The following GDPD1 variants were observed in gnomAD, a reference collection of about 807,000 sequenced individuals.
The protein encoded by GDPD1 is lysophospholipase D GDPD1.
A neutral mutation model predicts 45.1 loss-of-function variants in GDPD1; 28 were observed. The ratio of observed to expected loss-of-function variants is 0.62; its 90% confidence interval spans 0.46 to 0.85. The LOEUF is 0.85. Among genes scored for constraint, GDPD1 ranks in the 40% least tolerant of loss-of-function variants. GDPD1 has a pLI of 0.00. For missense variants in GDPD1, 256 were observed against 364.8 expected, an observed-to-expected ratio of 0.70 and a Z score of 2.43; for synonymous variants, 139 against 131.4, an observed-to-expected ratio of 1.06 and a Z score of -0.40.
rs149018765 is a variant in GDPD1, at chr17:59,257,129, G to A, written c.375G>A (p.Gln125=). The change falls in exon 5 of 10, where the codon CAG becomes CAA. Residue 125 remains glutamine, a synonymous_variant. Transcript: ENST00000284116. The part of the protein sequence containing the change: ...KLDVSFQRAC[Q]CEGKDNRIPL... ...AAAATCTTGCTTTCTCAGCATGCCA[G>A]TGTGAAGGAAAAGATAACCGAATTC... 2.9e-4 allele frequency: 462 copies of A among 1,569,534 alleles called. No homozygotes were observed. In the Middle Eastern group the frequency reaches 3.7e-3, roughly 13 times the overall value.
Position 59,220,609 on chromosome 17 carries a change from G to C in GDPD1, c.-1G>C, listed in dbSNP as rs773242936. On this transcript the variant is annotated 5_prime_UTR_variant, in exon 1 of 10. Transcript: ENST00000284116. ...GGGAGACTTCCCACACGGTGACTGA[G>C]ATGTCGTCCACTGCGGCTTTTTACC... is the stretch of plus-strand genomic sequence containing the variant. 1.2e-6 allele frequency: 2 copies of C among 1,613,574 alleles called. No homozygotes were observed. The highest frequency in any genetic ancestry group is 3.3e-5 in the Admixed American group (2 of 59,956).
chr17:59,265,459 C>T (rs1848711278), intron 6 of GDPD1, among the ~76,000 whole-genome samples: 1 of 151,764 alleles, frequency 6.6e-6, no homozygotes, highest in Non-Finnish European at 1.5e-5. Context: ...ATCACTTGAG[C>T]CTGGGAGATC....
intron 4 of GDPD1, among the ~76,000 whole-genome samples, chr17:59,253,997 G>A (rs931494200): frequency 2.7e-5 from 4 of 150,664 alleles, no homozygotes; most frequent in East Asian, 2.0e-4. Context: ...AAGGTGAGAG[G>A]ATCCCTTGAG....
At chr17:59,236,299 A>C (rs2047131533) in intron 2 of GDPD1, among the ~76,000 whole-genome samples, 1 of 152,168 alleles carries the variant, frequency 6.6e-6, no homozygotes, top group Non-Finnish European at 1.5e-5. Context: ...AATGGTTTTT[A>C]CTTGCTAAAT....
At chr17:59,228,826 G>A (rs1015392633) in intron 1 of GDPD1, among the ~76,000 whole-genome samples, 1 of 151,482 alleles carries the variant, frequency 6.6e-6, no homozygotes, top group African/African-American at 2.4e-5. Flanking sequence ...GCTGCAGTGA[G>A]CTCCGACCAT....
chr17:59,261,912 G>GTTTTTTTTTT (rs1568349072), intron 6 of GDPD1, among the ~76,000 whole-genome samples: 1 of 98,954 alleles, frequency 1.0e-5, no homozygotes, highest in African/African-American at 5.8e-5. Context: ...GAGATTACAG[G>GTTTTTTTTTT]CTTTTTTTTT....
At position 59,234,544 on chromosome 17, in the gene GDPD1, T is replaced by TA; in HGVS notation, c.185+16dup. ...TGGCAGCCTTTCAGCAGTAAGTATG[T>TA]AAAAAAGGTAAAAGGTACTCTTTTC... is the stretch of plus-strand genomic sequence containing the variant. On this transcript the variant is annotated intron_variant, in intron 2 of 9. Transcript: ENST00000284116. 6.3e-7 allele frequency: 1 copy of TA among 1,579,898 alleles called. No individual in the cohort carries two copies. The highest frequency in any genetic ancestry group is 8.7e-7 in the Non-Finnish European group (1 of 1,151,070).
intron 6 of GDPD1, among the ~76,000 whole-genome samples, chr17:59,265,817 G>A (rs1042300517): frequency 4.1e-5 from 6 of 147,628 alleles, no homozygotes; most frequent in Non-Finnish European, 7.4e-5. Context: ...TGAGGTGGGA[G>A]TATTGCCTGA....
intron 1 of GDPD1, among the ~76,000 whole-genome samples, chr17:59,223,234 G>A (rs2047019867): frequency 6.6e-6 from 1 of 152,020 alleles, no homozygotes; most frequent in African/African-American, 2.4e-5. Flanking sequence ...TGTAAATGCG[G>A]CATCAGTATT....
At chr17:59,256,170 T>A (rs1335962916) in intron 4 of GDPD1, among the ~76,000 whole-genome samples, 3 of 151,806 alleles carry the variant, frequency 2.0e-5, no homozygotes, top group African/African-American at 7.2e-5. Context: ...TACAAAAAAA[T>A]TAGCCGAGCG....
chr17:59,244,913 T>G (rs533467975), intron 2 of GDPD1, among the ~76,000 whole-genome samples: 1 of 152,030 alleles, frequency 6.6e-6, no homozygotes, highest in African/African-American at 2.4e-5. Context: ...GGAGGATCAC[T>G]TGAGCCCAGG....
At chr17:59,224,157 A>G (rs2047027229) in intron 1 of GDPD1, among the ~76,000 whole-genome samples, 1 of 152,234 alleles carries the variant, frequency 6.6e-6, no homozygotes, top group Non-Finnish European at 1.5e-5. Flanking sequence ...CAATGAATCA[A>G]TAGTTTCCAA....
intron 7 of GDPD1, among the ~76,000 whole-genome samples, chr17:59,268,844 C>A (rs1031651697): frequency 1.3e-5 from 2 of 152,088 alleles, no homozygotes; most frequent in Admixed American, 1.3e-4. Context: ...GAGTTTGAGA[C>A]CAGCCTGGCC....
chr17:59,262,374 C>T (rs956057127), intron 6 of GDPD1, among the ~76,000 whole-genome samples: 6 of 152,130 alleles, frequency 3.9e-5, no homozygotes, highest in African/African-American at 9.7e-5. Context: ...ACTGAACAAA[C>T]TCTGACATTT....
At chr17:59,266,818 A>G (rs889391720) in intron 6 of GDPD1, among the ~76,000 whole-genome samples, 1 of 152,198 alleles carries the variant, frequency 6.6e-6, no homozygotes, top group Admixed American at 6.5e-5. Context: ...GAGAAATTTT[A>G]GTAACATCAT....
At chr17:59,250,120 C>T (rs1464087663) in intron 4 of GDPD1, among the ~76,000 whole-genome samples, 1 of 152,108 alleles carries the variant, frequency 6.6e-6, no homozygotes. Context: ...ATTTAAACCT[C>T]AGATGTGTTT....
intron 6 of GDPD1, among the ~76,000 whole-genome samples, chr17:59,264,264 T>C (rs1180786118): frequency 6.6e-6 from 1 of 151,748 alleles, no homozygotes; most frequent in Non-Finnish European, 1.5e-5. Context: ...CCTCCCAAAG[T>C]GTCGGGATTA....
intron 1 of GDPD1, among the ~76,000 whole-genome samples, chr17:59,227,429 A>C (rs1227069350): frequency 2.6e-5 from 4 of 152,136 alleles, no homozygotes; most frequent in Non-Finnish European, 5.9e-5. Flanking sequence ...AAAAAAAAAA[A>C]AATTTAAAAC....
intron 3 of GDPD1, among the ~76,000 whole-genome samples, chr17:59,247,842 C>G (rs1167052200): frequency 1.1e-4 from 17 of 152,032 alleles, no homozygotes; most frequent in Admixed American, 5.3e-4. Flanking sequence ...GTTGGTCAGG[C>G]TGGTCTCGAA....
Sources: allele counts gnomAD v4.1 joint callset (sites outside exome capture counted in the v4.1 genomes callset), GRCh38; gene constraint gnomAD v4.1.1; transcripts MANE v1.5; gene names NCBI Gene and HGNC (gene_info 2026-07-23, HGNC 2026-07-21).